SYNPO2: variants seen among roughly 807,000 people sequenced by gnomAD.
SYNPO2 encodes synaptopodin 2.
In SYNPO2, 56 loss-of-function variants were observed where a neutral mutation model predicts 85.0. That is an observed-to-expected ratio of 0.66 (90% CI 0.53 to 0.82). The LOEUF is 0.82. Ranked by LOEUF, SYNPO2 falls within the 40% of genes least tolerant of loss-of-function variation. The probability of loss-of-function intolerance (pLI) is 0.00; values close to 1 mark genes in which losing one functional copy is unlikely to be tolerated. For synonymous variants in SYNPO2, 602 were observed against 591.1 expected (o/e 1.02, Z -0.27); for missense variants, 1,575 against 1,534.2 (o/e 1.03, Z -0.44).
chr4:118,972,286 A>G (rs10020967), intron 1 of SYNPO2, among the ~76,000 whole-genome samples: 105,375 of 151,878 alleles, frequency 0.69, 36,872 homozygotes, highest in South Asian at 0.79. Flanking sequence ...ACAAAAAAAG[A>G]AAGAAAAAAT....
chr4:118,865,035 G>A (rs962086522), intron 1 of SYNPO2, among the ~76,000 whole-genome samples: 8 of 152,158 alleles, frequency 5.3e-5, no homozygotes, highest in African/African-American at 1.9e-4. Flanking sequence ...TGCCCCCAGA[G>A]GTCTGAGGGA....
chr4:118,865,445 C>G (rs898012283), intron 1 of SYNPO2, among the ~76,000 whole-genome samples: 7 of 152,180 alleles, frequency 4.6e-5, no homozygotes, highest in African/African-American at 1.7e-4. Context: ...AAACAAGAAG[C>G]ATTAAAATCT....
chr4:119,037,700 A>G (rs1214746743), intron 4 of SYNPO2: 5 of 962,486 alleles, frequency 5.2e-6, no homozygotes, highest in Non-Finnish European at 4.9e-6. Flanking sequence ...AATATTTTAC[A>G]TAAGTTTTGA....
At chr4:118,938,376 T>C (rs928842511) in intron 1 of SYNPO2, among the ~76,000 whole-genome samples, 9 of 152,268 alleles carry the variant, frequency 5.9e-5, no homozygotes, top group African/African-American at 2.2e-4. Flanking sequence ...TTTTGAATTG[T>C]TATATCGTTA....
rs945206140 is a variant in SYNPO2, at chr4:118,956,343, G to A, written c.106-67087G>A. 7.9e-5 allele frequency among the ~76,000 whole-genome samples: 12 copies of A among 152,308 alleles called. No individual in the cohort carries two copies. In the East Asian group the frequency reaches 2.3e-3, roughly 29 times the overall value. ...TAGCATAAGCTTCATGGGTATTAAT[G>A]AAGGAAATGGTTTCAAGGTAAAACT... On this transcript the variant is annotated intron_variant, in intron 1 of 4. Coordinates refer to ENST00000307142, the MANE Select transcript of SYNPO2 (RefSeq NM_133477.3).
chr4:118,933,818 C>T (rs13112755), intron 1 of SYNPO2, among the ~76,000 whole-genome samples: 116,046 of 141,860 alleles, frequency 0.82, 48,297 homozygotes, highest in South Asian at 0.94. Context: ...CTGCTTTTTG[C>T]TGTTGTTGTT....
Position 119,030,680 on chromosome 4 carries a change from G to A in SYNPO2, c.1905G>A (p.Gly635=), listed in dbSNP as rs938687889. 1.2e-6 allele frequency: 2 copies of A among 1,614,134 alleles called. No homozygotes were observed. Among genetic ancestry groups the A allele is most frequent in the East Asian group, 2.2e-5 (1 of 44,876 alleles). The change falls in exon 4 of 5, where the codon GGG becomes GGA. Residue 635 remains glycine, a synonymous_variant. Coordinates refer to ENST00000307142, the MANE Select transcript of SYNPO2 (RefSeq NM_133477.3). ...CTCCCCCTGACGCCTTCTCCAGAGG[G>A]GTTTCAAGTCCGATTGCTGGCCCAG... ...VTPPPDAFSR[G]VSSPIAGPAQ...
rs2149202750 is a variant in SYNPO2, at chr4:119,057,722, G to A, written c.3574G>A (p.Gly1192Ser). Residue 1192 changes from glycine (G) to serine (S), a missense_variant, in exon 5 of 5, where the codon GGC (glycine) becomes AGC (serine). By Grantham distance (56) the Gly-to-Ser change is moderately conservative (BLOSUM62 0). This residue lies in a region of SYNPO2 where 1,508 missense variants were observed against 1,446.8 expected (regional missense o/e 1.04). Coordinates refer to ENST00000307142, the MANE Select transcript of SYNPO2 (RefSeq NM_133477.3). ...TCCTCAAACCCAGAAGGCCTATATG[G>A]GCTCATGTGGAAGGCAAGAGTATAA... Reference protein sequence around the residue: ...YIPQTQKAYMGSCGRQEYNVT... With the variant: ...YIPQTQKAYMSSCGRQEYNVT... 1 of 1,614,084 alleles carries A rather than the reference G, an allele frequency of 6.2e-7. No homozygotes were observed. The highest frequency in any genetic ancestry group is 8.5e-7 in the Non-Finnish European group (1 of 1,180,030).
rs534846658 is a variant in SYNPO2, at chr4:118,956,141, A to G, written c.105+67000A>G. On this transcript the variant is annotated intron_variant, in intron 1 of 4. Coordinates refer to ENST00000307142, the MANE Select transcript of SYNPO2 (RefSeq NM_133477.3). Reference sequence around the variant, plus strand: ...AGATACAAACTGGAAATGAGAGGAGAGATTGGGGTTTTGAAGACACTGATT... The same window carrying G: ...AGATACAAACTGGAAATGAGAGGAGGGATTGGGGTTTTGAAGACACTGATT... 3.3e-5 allele frequency among the ~76,000 whole-genome samples: 5 copies of G among 152,122 alleles called. No homozygotes were observed. In the East Asian group the frequency reaches 9.7e-4, roughly 29 times the overall value.
chr4:118,900,086 A>G (rs970098260), intron 1 of SYNPO2, among the ~76,000 whole-genome samples: 2 of 152,222 alleles, frequency 1.3e-5, no homozygotes, highest in Non-Finnish European at 2.9e-5. Context: ...TTTGAAAAAT[A>G]TGAAATTGGG....
intron 4 of SYNPO2, among the ~76,000 whole-genome samples, chr4:119,052,144 G>A (rs965217368): frequency 2.0e-5 from 3 of 152,162 alleles, no homozygotes; most frequent in Non-Finnish European, 4.4e-5. Flanking sequence ...GAAAGGGACA[G>A]GCTGACAAAC....
At chr4:118,896,295 A>T (rs924170570) in intron 1 of SYNPO2, among the ~76,000 whole-genome samples, 6 of 152,218 alleles carry the variant, frequency 3.9e-5, no homozygotes, top group African/African-American at 1.4e-4. Flanking sequence ...ACAGGAACAC[A>T]TCTGTAAGAT....
chr4:118,873,520 T>C (rs1344991943), intron 1 of SYNPO2, among the ~76,000 whole-genome samples: 1 of 152,170 alleles, frequency 6.6e-6, no homozygotes, highest in Non-Finnish European at 1.5e-5. Flanking sequence ...TGTCTATTCA[T>C]ACCCTTTGCC....
At chr4:118,942,663 G>T (rs1297823441) in intron 1 of SYNPO2, among the ~76,000 whole-genome samples, 1 of 152,104 alleles carries the variant, frequency 6.6e-6, no homozygotes, top group Non-Finnish European at 1.5e-5. Context: ...GTTCTTTACT[G>T]GGGATAATGT....
At chr4:118,975,088 TCA>T (rs1423579475) in intron 1 of SYNPO2, among the ~76,000 whole-genome samples, 3 of 152,180 alleles carry the variant, frequency 2.0e-5, no homozygotes, top group Non-Finnish European at 4.4e-5. Context: ...CAATAACCTG[TCA>T]CACACACCTT....
chr4:119,010,454 A>C (rs1737250118), intron 1 of SYNPO2, among the ~76,000 whole-genome samples: 1 of 152,198 alleles, frequency 6.6e-6, no homozygotes, highest in African/African-American at 2.4e-5. Context: ...CACTACCATG[A>C]GAACAATATG....
At chr4:119,039,017 TG>T (rs1053547563) in intron 4 of SYNPO2, among the ~76,000 whole-genome samples, 1 of 152,166 alleles carries the variant, frequency 6.6e-6, no homozygotes, top group Non-Finnish European at 1.5e-5. Context: ...AAAAAGAAGA[TG>T]TGAGCTTCTA....
rs114949776 is a variant in SYNPO2, at chr4:118,915,773, G to A, written c.105+26632G>A. 5.0e-3 allele frequency among the ~76,000 whole-genome samples: 762 copies of A among 152,272 alleles called. 11 individuals are homozygous for A. The highest frequency in any genetic ancestry group is 0.018 in the African/African-American group (731 of 41,548). On this transcript the variant is annotated intron_variant, in intron 1 of 4. Coordinates refer to ENST00000307142, the MANE Select transcript of SYNPO2 (RefSeq NM_133477.3). ...ATGCCAAACTCTTGTTCAAGTTGATGCATGATTTTACATTTCCACCAACAA... is the reference window on the plus strand; with the variant it reads ...ATGCCAAACTCTTGTTCAAGTTGATACATGATTTTACATTTCCACCAACAA...
At chr4:118,977,383 C>G (rs1017112626) in intron 1 of SYNPO2, among the ~76,000 whole-genome samples, 3 of 152,248 alleles carry the variant, frequency 2.0e-5, no homozygotes, top group Non-Finnish European at 4.4e-5. Flanking sequence ...GGAACTCCAG[C>G]TGGCCCGCAA....
Sources: gnomAD v4.1 joint callset for allele counts (sites outside exome capture counted in the v4.1 genomes callset) on GRCh38, gnomAD v4.1.1 for gene constraint, gnomAD v4.1.1 regional missense constraint, MANE v1.5 for transcripts, NCBI Gene and HGNC (gene_info 2026-07-23, HGNC 2026-07-21) for gene names.